Variants in SYNE2 observed in about 807,000 individuals in gnomAD.
SYNE2 encodes nesprin-2.
In SYNE2, 431 loss-of-function variants were observed where a neutral mutation model predicts 856.3. The observed-to-expected ratio is 0.50, with a 90% confidence interval of 0.47 to 0.55. SYNE2 has a LOEUF of 0.55. Ranked by LOEUF, SYNE2 falls within the 20% of genes least tolerant of loss-of-function variation. SYNE2 has a pLI of 0.00. For missense variants in SYNE2, 8,129 were observed against 8,023.2 expected (o/e 1.01, Z -0.50); for synonymous variants, 2,923 against 2,872.3 (o/e 1.02, Z -0.56).
intron 1 of SYNE2, among the ~76,000 whole-genome samples, chr14:63,865,935 A>G (rs1895187645): frequency 6.6e-6 from 1 of 151,980 alleles, no homozygotes; most frequent in South Asian, 2.1e-4. Flanking sequence ...AACAACAAAA[A>G]TGTTCCTTCT....
At chr14:64,127,795 A>T (rs559934220) in intron 73 of SYNE2, among the ~76,000 whole-genome samples, 17 of 152,380 alleles carry the variant, frequency 1.1e-4, no homozygotes, top group African/African-American at 4.1e-4. Flanking sequence ...AGCTGCTAGA[A>T]TCCAAGTAAA....
intron 60 of SYNE2, among the ~76,000 whole-genome samples, chr14:64,091,655 G>A (rs957874407): frequency 1.3e-5 from 2 of 152,016 alleles, no homozygotes; most frequent in Non-Finnish European, 2.9e-5. Context: ...TTGTGGTGGC[G>A]GTGGTGGTGG....
intron 89 of SYNE2, among the ~76,000 whole-genome samples, chr14:64,164,130 T>TTTA (rs1443642210): frequency 2.2e-4 from 24 of 109,102 alleles, no homozygotes; most frequent in East Asian, 2.6e-4. Flanking sequence ...TTATTTATTT[T>TTTA]GAGATGTCTC....
chr14:63,954,786 A>C lies in SYNE2; in HGVS notation c.658A>C (p.Ile220Leu). 6.2e-7 allele frequency: 1 copy of C among 1,614,114 alleles called. No homozygotes were observed. The highest frequency in any genetic ancestry group is 8.5e-7 in the Non-Finnish European group (1 of 1,179,994). Residue 220 changes from isoleucine to leucine, a missense_variant, in exon 8 of 116, where the codon ATT becomes CTT. Ile to Leu is a conservative substitution (Grantham distance 5, BLOSUM62 2). Around this residue, in one of 3 missense-constraint regions of SYNE2, gnomAD observed 2,422 missense variants for 2,357.4 expected, o/e 1.03. Transcript: ENST00000555002. The stretch of plus-strand genomic sequence containing the variant: ...AAATGGGATGGCTTTTTTGGCCATC[A>C]TTCATGCCTTGCGACCAGACCTAAT... ...WRNGMAFLAI[I>L]HALRPDLIDM...
At chr14:63,923,105 T>C (rs557926333) in intron 2 of SYNE2, among the ~76,000 whole-genome samples, 4 of 152,388 alleles carry the variant, frequency 2.6e-5, no homozygotes, top group Admixed American at 2.0e-4. Flanking sequence ...GTCATTTCTT[T>C]ATTTCTTCAT....
intron 48 of SYNE2, 35 bp downstream of exon 48, chr14:64,053,692 TG>T (rs753233214): frequency 6.2e-7 from 1 of 1,603,140 alleles, no homozygotes; most frequent in South Asian, 1.1e-5. Flanking sequence ...AGTGGCTGGG[TG>T]CGGGGGCTCA....
At chr14:64,189,162 C>G (rs1034970399) in intron 98 of SYNE2, among the ~76,000 whole-genome samples, 2 of 151,930 alleles carry the variant, frequency 1.3e-5, no homozygotes, top group African/African-American at 4.8e-5. Context: ...GGTGAAACCT[C>G]GTCTCTACTA....
At chr14:64,013,476 C>T (rs56181608) in intron 32 of SYNE2, among the ~76,000 whole-genome samples, 1 of 152,290 alleles carries the variant, frequency 6.6e-6, no homozygotes, top group Non-Finnish European at 1.5e-5. Context: ...CCTCACCCCA[C>T]TCCCACTGTC....
chr14:64,119,393 A>G, intron 66 of SYNE2, 34 bp from the exon 67 acceptor site: 1 of 1,612,984 alleles, frequency 6.2e-7, no homozygotes, highest in Non-Finnish European at 8.5e-7. Context: ...TTCAAGAACA[A>G]CATTATGAAT....
chr14:63,961,771 A>G (rs1006935020), intron 9 of SYNE2, 146 bp downstream of exon 9: 1 of 694,508 alleles, frequency 1.4e-6, no homozygotes. Flanking sequence ...TTCAATCATG[A>G]TGTAAAACAT....
At chr14:63,992,381 A>G (rs1160362529) in intron 21 of SYNE2, among the ~76,000 whole-genome samples, 8 of 152,054 alleles carry the variant, frequency 5.3e-5, no homozygotes, top group Non-Finnish European at 1.2e-4. Context: ...GGCTCAAGCT[A>G]TCCTCCTGCC....
At chr14:64,215,614 CT>C (rs2098662731) in intron 107 of SYNE2, 1 of 569,828 alleles carries the variant, frequency 1.8e-6, no homozygotes, top group African/African-American at 1.9e-5. Flanking sequence ...TTCATGGTGC[CT>C]GTTTTGATGA....
chr14:63,964,305 G>T (rs1441709765), intron 10 of SYNE2, among the ~76,000 whole-genome samples: 1 of 152,204 alleles, frequency 6.6e-6, no homozygotes, highest in Non-Finnish European at 1.5e-5. Context: ...CATGGTTTTA[G>T]AGCAGGGGTT....
At chr14:64,042,622 A>G (rs2097157249) in intron 45 of SYNE2, among the ~76,000 whole-genome samples, 1 of 152,142 alleles carries the variant, frequency 6.6e-6, no homozygotes, top group Non-Finnish European at 1.5e-5. Flanking sequence ...GATGGTTTTA[A>G]AAAATGGGAG....
chr14:64,134,337 T>C (rs2098060751), intron 78 of SYNE2, 137 bp downstream of exon 78: 4 of 949,590 alleles, frequency 4.2e-6, no homozygotes, highest in Non-Finnish European at 5.1e-6. Flanking sequence ...GTTGAATGTA[T>C]TCAGGGAGAC....
At chr14:64,208,086 A>G (rs1256194351) in intron 100 of SYNE2, 2 of 455,852 alleles carry the variant, frequency 4.4e-6, no homozygotes, top group East Asian at 1.4e-4. Flanking sequence ...TTTTTCCCAA[A>G]TTGGGGAACT....
Position 64,218,478 on chromosome 14 carries a change from C to CG in SYNE2, c.19628dup (p.Leu6544ThrfsTer26). 1 of 1,614,036 alleles carries CG rather than the reference C, an allele frequency of 6.2e-7. No individual in the cohort carries two copies. The highest frequency in any genetic ancestry group is 8.5e-7 in the Non-Finnish European group (1 of 1,180,030). ...TGAATGGCAACCCACAGCAGGAAGA[C>CG]GGGGGACTGGCCGGTATCACAGAGC... On this transcript the variant is annotated frameshift_variant, in exon 109 of 116. Coordinates refer to ENST00000555002, the MANE Select transcript of SYNE2 (RefSeq NM_182914.3). LOFTEE classifies it high-confidence loss of function.
chr14:64,165,486 C>T (rs991763184), intron 90 of SYNE2, 76 bp downstream of exon 90: 32 of 1,486,754 alleles, frequency 2.2e-5, no homozygotes, highest in Non-Finnish European at 2.8e-5. Flanking sequence ...TTACTGTGAA[C>T]TTATGGAATG....
At chr14:64,172,178 G>A (rs1390915503) in intron 94 of SYNE2, among the ~76,000 whole-genome samples, 1 of 152,160 alleles carries the variant, frequency 6.6e-6, no homozygotes, top group Non-Finnish European at 1.5e-5. Context: ...CACTCTGGCT[G>A]TTCCTGATTG....
Sources: allele counts gnomAD v4.1 joint callset (sites outside exome capture counted in the v4.1 genomes callset), GRCh38; gene constraint gnomAD v4.1.1; regional missense constraint gnomAD v4.1.1; transcripts MANE v1.5; gene names NCBI Gene and HGNC (gene_info 2026-07-23, HGNC 2026-07-21).